The following NMNAT3 variants were observed in gnomAD, a reference collection of about 807,000 sequenced individuals.
NMNAT3 encodes the protein nicotinamide/nicotinic acid mononucleotide adenylyltransferase 3.
In NMNAT3, 21 loss-of-function variants were observed where a neutral mutation model predicts 24.8. The observed-to-expected ratio is 0.85, with a 90% CI of 0.60 to 1.22. NMNAT3 has a LOEUF of 1.22. Among genes scored for constraint, NMNAT3 ranks in the 50% most tolerant of loss-of-function variants. The pLI, the probability that NMNAT3 is intolerant of heterozygous loss-of-function variation, is 0.00. For synonymous variants in NMNAT3, 136 were observed against 155.2 expected (o/e 0.88, Z 0.92); for missense variants, 387 against 436.6 (o/e 0.89, Z 1.01).
intron 3 of NMNAT3, among the ~76,000 whole-genome samples, chr3:139,619,902 A>G (rs1305667268): frequency 6.6e-6 from 1 of 152,228 alleles, no homozygotes; most frequent in Non-Finnish European, 1.5e-5. Context: ...GACACATTTT[A>G]TTTTAACACA....
At chr3:139,658,778 G>A (rs116414184) in intron 1 of NMNAT3, among the ~76,000 whole-genome samples, 2,247 of 151,508 alleles carry the variant, frequency 0.015, 29 homozygotes, top group South Asian at 0.059. Flanking sequence ...ATTTTTTTTC[G>A]TTTCTTTGAA....
At chr3:139,661,484 C>T (rs1382849489) in intron 1 of NMNAT3, among the ~76,000 whole-genome samples, 1 of 152,164 alleles carries the variant, frequency 6.6e-6, no homozygotes, top group Non-Finnish European at 1.5e-5. Context: ...GTCTGCATAA[C>T]ACAGCAAGAC....
intron 3 of NMNAT3, among the ~76,000 whole-genome samples, chr3:139,587,856 A>G (rs1357867030): frequency 6.6e-6 from 1 of 152,136 alleles, no homozygotes; most frequent in African/African-American, 2.4e-5. Context: ...ATTTACATAC[A>G]TTTAACCTTC....
chr3:139,585,846 G>A (rs536025872), intron 3 of NMNAT3, among the ~76,000 whole-genome samples: 1 of 152,230 alleles, frequency 6.6e-6, no homozygotes, highest in Non-Finnish European at 1.5e-5. Flanking sequence ...TTAAGATCTA[G>A]TTTACCTTAC....
intron 1 of NMNAT3, among the ~76,000 whole-genome samples, chr3:139,670,030 G>A (rs1271230244): frequency 6.6e-6 from 1 of 152,152 alleles, no homozygotes; most frequent in Non-Finnish European, 1.5e-5. Context: ...AAGAAATATG[G>A]TAATGTTTTT....
Position 139,585,428 on chromosome 3 carries a change from T to A in NMNAT3, c.110-2220A>T, listed in dbSNP as rs149563731. Among the ~76,000 whole-genome samples, 358 of 152,324 alleles carry A rather than the reference T, an allele frequency of 2.4e-3. 1 individual carries two copies. Among genetic ancestry groups the A allele is most frequent in the Non-Finnish European group, 4.0e-3 (274 of 68,032 alleles). On this transcript the variant is annotated intron_variant, in intron 3 of 6. Coordinates refer to ENST00000643695, the MANE Select transcript of NMNAT3 (RefSeq NM_001320510.2). ...ATAAATACTACTTTTAAAATCTGTA[T>A]CATACAATGCCAGTTTCAAAGTCTG...
chr3:139,665,273 C>T (rs2057540899), intron 1 of NMNAT3, among the ~76,000 whole-genome samples: 1 of 152,108 alleles, frequency 6.6e-6, no homozygotes, highest in Admixed American at 6.6e-5. Context: ...TGGTACCTGC[C>T]ACTAAGAAAT....
At chr3:139,563,740 C>T (rs2107986930) in intron 6 of NMNAT3, among the ~76,000 whole-genome samples, 1 of 152,300 alleles carries the variant, frequency 6.6e-6, no homozygotes, top group South Asian at 2.1e-4. Flanking sequence ...CTCACAAACG[C>T]ATTCACACAT....
intron 3 of NMNAT3, among the ~76,000 whole-genome samples, chr3:139,591,608 G>A (rs1386631617): frequency 1.7e-4 from 26 of 151,588 alleles, no homozygotes; most frequent in East Asian, 5.8e-4. Context: ...CTCCCACCAC[G>A]CAGCTGGAGA....
rs764024102 is a variant in NMNAT3, at chr3:139,561,061, G to A, written c.990C>T (p.Gly330=). ...GGGTGCTTTTGCCTTTCCAGGTACTGCCCTTGGTGTAGAGGCCATGGTCCT... is the reference window on the plus strand; with the variant it reads ...GGGTGCTTTTGCCTTTCCAGGTACTACCCTTGGTGTAGAGGCCATGGTCCT... Residue 330 remains glycine (G), a synonymous_variant, in exon 7 of 7, where the codon GGC becomes GGT. Transcript: ENST00000643695. 9 of 1,613,936 alleles carry A rather than the reference G, an allele frequency of 5.6e-6. No homozygotes were observed. Among genetic ancestry groups the A allele is most frequent in the Non-Finnish European group, 7.6e-6 (9 of 1,179,996 alleles).
chr3:139,599,797 G>A (rs2054631704), intron 3 of NMNAT3, among the ~76,000 whole-genome samples: 1 of 152,098 alleles, frequency 6.6e-6, no homozygotes. Flanking sequence ...AAATGAATTT[G>A]AGAACACCTA....
chr3:139,640,105 G>A (rs2056647942), intron 1 of NMNAT3, among the ~76,000 whole-genome samples: 1 of 152,182 alleles, frequency 6.6e-6, no homozygotes, highest in Non-Finnish European at 1.5e-5. Flanking sequence ...CCATGCACCA[G>A]CAGGACAGGT....
At chr3:139,648,367 T>C (rs1459000716) in intron 1 of NMNAT3, among the ~76,000 whole-genome samples, 1 of 152,226 alleles carries the variant, frequency 6.6e-6, no homozygotes, top group East Asian at 1.9e-4. Flanking sequence ...GTATTCTTTA[T>C]AGCAGTGTGA....
At chr3:139,591,994 G>A (rs1462084637) in intron 3 of NMNAT3, among the ~76,000 whole-genome samples, 1 of 152,218 alleles carries the variant, frequency 6.6e-6, no homozygotes, top group Non-Finnish European at 1.5e-5. Context: ...GCTGAGAGAA[G>A]AAGGCTTCAG....
intron 3 of NMNAT3, among the ~76,000 whole-genome samples, chr3:139,595,457 CTACTT>C (rs1251204568): frequency 6.6e-6 from 1 of 152,198 alleles, no homozygotes; most frequent in Admixed American, 6.5e-5. Flanking sequence ...ATTGGAAAAA[CTACTT>C]TAAAGTTCAT....
intron 1 of NMNAT3, chr3:139,672,491 A>C (rs1229831019): frequency 6.6e-6 from 1 of 152,262 alleles, no homozygotes; most frequent in Non-Finnish European, 1.5e-5. Context: ...GGAGATTTCC[A>C]GAACCACTTC....
At chr3:139,585,501 T>C (rs1203376515) in intron 3 of NMNAT3, among the ~76,000 whole-genome samples, 1 of 152,242 alleles carries the variant, frequency 6.6e-6, no homozygotes, top group East Asian at 1.9e-4. Context: ...CTTAGTCATA[T>C]TGTTTTCTTT....
intron 6 of NMNAT3, among the ~76,000 whole-genome samples, chr3:139,561,850 C>T (rs1417138661): frequency 5.3e-5 from 8 of 152,120 alleles, no homozygotes; most frequent in Admixed American, 5.2e-4. Context: ...GGAACTAGTA[C>T]CTGGCACTTT....
At chr3:139,662,951 A>C (rs1262580233) in intron 1 of NMNAT3, among the ~76,000 whole-genome samples, 1 of 152,180 alleles carries the variant, frequency 6.6e-6, no homozygotes, top group East Asian at 1.9e-4. Flanking sequence ...CTTTTGAGGG[A>C]GGTACGACTA....
Sources: gnomAD v4.1 joint callset for allele counts (sites outside exome capture counted in the v4.1 genomes callset) on GRCh38, gnomAD v4.1.1 for gene constraint, MANE v1.5 for transcripts, NCBI Gene and HGNC (gene_info 2026-07-23, HGNC 2026-07-21) for gene names.